The following MARK4 variants were observed in gnomAD, a reference collection of about 807,000 sequenced individuals.
MARK4 encodes MAP/microtubule affinity-regulating kinase 4.
MARK4 carries 19 observed loss-of-function variants against 81.5 expected under a neutral mutation model. The observed-to-expected ratio is 0.23, with a 90% CI of 0.16 to 0.34. MARK4 has a LOEUF of 0.34. Ranked by LOEUF, MARK4 falls within the 10% of genes least tolerant of loss-of-function variation. The pLI is 1.00. For missense variants in MARK4, 772 were observed against 1,058.8 expected (o/e 0.73, Z 3.76); for synonymous variants, 436 against 439.0 (o/e 0.99, Z 0.08).
Position 45,302,870 on chromosome 19 carries a change from C to A in MARK4, c.*160C>A. 3 of 1,177,488 alleles carry A rather than the reference C, an allele frequency of 2.5e-6. No homozygotes were observed. The highest frequency in any genetic ancestry group is 3.5e-6 in the Non-Finnish European group (3 of 861,946). The allele number at this position is 1,177,488 out of a possible 1,614,324, so 72.9% of individuals were successfully genotyped here. A position where few individuals can be genotyped will look rare whatever the true frequency, so the allele number is the denominator to read the frequency against. On this transcript the variant is annotated 3_prime_UTR_variant, in exon 17 of 17. Coordinates refer to ENST00000262891, the MANE Select transcript of MARK4 (RefSeq NM_001199867.2). This position sits in a 1 kb window ranked among gnomAD's most constrained non-coding sequence, Gnocchi z 4.9. ...TTGTCCCCTCTGCTGTTCTCTGGGG[C>A]CGCTCAGCACAGAAGAAGGATGAGG...
In MARK4 at chr19:45,266,104, C is replaced by T. The variant is rs1970450028; in HGVS notation, c.493-121C>T. The T allele has an allele frequency of 6.1e-6, 6 of 981,944 alleles. No homozygotes were observed. The Middle Eastern group carries it at 8.9e-4, about 146-fold the overall frequency. The allele number at this position is 981,944 out of a possible 1,614,324, so 60.8% of individuals were successfully genotyped here. A position where few individuals can be genotyped will look rare whatever the true frequency, so the allele number is the denominator to read the frequency against. Reference sequence around the variant, plus strand: ...TGTGACTGAATCAGGGTGTGAGGCCCCAGATCTCAGGCTGTGCCTTGGGGA... The same window carrying T: ...TGTGACTGAATCAGGGTGTGAGGCCTCAGATCTCAGGCTGTGCCTTGGGGA... On this transcript the variant is annotated intron_variant, in intron 6 of 16. Transcript: ENST00000262891.
rs10630193 is a variant in MARK4, at chr19:45,301,557, CA to C, written c.1923-795del. Among the ~76,000 whole-genome samples, 254 of 49,486 alleles carry C rather than the reference CA, an allele frequency of 5.1e-3. 3 individuals carry two copies. Among genetic ancestry groups the C allele is most frequent in the African/African-American group, 0.012 (134 of 11,460 alleles). 32.5% of individuals were successfully genotyped at this position (49,486 alleles called of 152,430 possible). The stretch of plus-strand genomic sequence containing the variant: ...GGGCGACAAGAGCGAAACTCTGTCT[CA>C]AAAAAAAAAAAAAAAAAAAAAGCCG... On this transcript the variant is annotated intron_variant, in intron 16 of 16. Transcript: ENST00000262891.
At position 45,297,919 on chromosome 19, in the gene MARK4, C is replaced by T. The variant is rs1157407570; in HGVS notation, c.1842C>T (p.Asn614=). 46 of 1,550,510 alleles carry T rather than the reference C, an allele frequency of 3.0e-5. No homozygotes were observed. Among genetic ancestry groups the T allele is most frequent in the Non-Finnish European group, 4.0e-5 (46 of 1,146,760 alleles). The change falls in exon 15 of 17, where the codon AAC becomes AAT. Residue 614 remains asparagine, a synonymous_variant. Coordinates refer to ENST00000262891, the MANE Select transcript of MARK4 (RefSeq NM_001199867.2). ...LPAGRPRPTT[N]LFTKLTSKLT... ...CCGGGCGGCCCCGCCCCACCACCAA[C>T]CTCTTCACCAAGCTGACCTCCAAAC...
rs781613152 is a variant in MARK4 at position 45,259,041 on chromosome 19, G to C, written c.104G>C (p.Ser35Thr). 13 of 1,613,762 alleles carry C rather than the reference G, an allele frequency of 8.1e-6. No homozygotes were observed. The highest frequency in any genetic ancestry group is 1.1e-5 in the Non-Finnish European group (13 of 1,180,026). ...TCGGACAAAGGCCCGTCCTGGTCCA[G>C]CCGCTCACTGGGTGCCCGTTGCCGG... ...RSSDKGPSWS[S>T]RSLGARCRNS... The change falls in exon 2 of 17, where the codon AGC (serine) becomes ACC (threonine). Residue 35 changes from serine (S) to threonine (T), a missense_variant. By Grantham distance (58) the Ser-to-Thr change is moderately conservative. Coordinates refer to ENST00000262891, the MANE Select transcript of MARK4 (RefSeq NM_001199867.2).
rs1376951062 is a variant in MARK4, at chr19:45,271,461, T to C, written c.550-11T>C. 6.2e-7 allele frequency: 1 copy of C among 1,613,238 alleles called. No individual in the cohort carries two copies. Among genetic ancestry groups the C allele is most frequent in the Non-Finnish European group, 8.5e-7 (1 of 1,179,358 alleles). Reference sequence around the variant, plus strand: ...AGTCCCACTTTCCGCCCTCTCCTTCTCTCCCTGCAGGCTGAGAACCTCTTG... The same window carrying C: ...AGTCCCACTTTCCGCCCTCTCCTTCCCTCCCTGCAGGCTGAGAACCTCTTG... On this transcript the variant is annotated splice_polypyrimidine_tract_variant and intron_variant, in intron 7 of 16. Coordinates refer to ENST00000262891, the MANE Select transcript of MARK4 (RefSeq NM_001199867.2). This position sits in a 1 kb window ranked among gnomAD's most constrained non-coding sequence, Gnocchi z 4.1.
rs2079763 is a variant in MARK4 at position 45,287,945 on chromosome 19, A to G, written c.1494+281A>G. On this transcript the variant is annotated intron_variant, in intron 13 of 16. Coordinates refer to ENST00000262891, the MANE Select transcript of MARK4 (RefSeq NM_001199867.2). ...AATACAGGAAATTAAGTGCTTTTAAAAATGTGGGAAAGGCCAGGCACAGTG... is the reference window on the plus strand; with the variant it reads ...AATACAGGAAATTAAGTGCTTTTAAGAATGTGGGAAAGGCCAGGCACAGTG... 934 of 477,264 alleles carry G rather than the reference A, an allele frequency of 2.0e-3. 9 individuals carry two copies. The highest frequency in any genetic ancestry group is 0.015 in the African/African-American group (783 of 51,056). The allele number at this position is 477,264 out of a possible 1,614,324, so 29.6% of individuals were successfully genotyped here.
Position 45,302,506 on chromosome 19 carries a change from C to A in MARK4, c.2055C>A (p.Arg685=). ...AALRQATAAA[R]CRCRQPQPFL... Reference sequence around the variant, plus strand: ...TGCGCCAGGCCACAGCAGCCGCCCGCTGCCGCTGCCGCCAGCCACAGCCGT... The same window carrying A: ...TGCGCCAGGCCACAGCAGCCGCCCGATGCCGCTGCCGCCAGCCACAGCCGT... Residue 685 remains arginine, a synonymous_variant, in exon 17 of 17, where the codon CGC becomes CGA. Transcript: ENST00000262891. The surrounding 1 kb of genome is among the most constrained non-coding windows in gnomAD (Gnocchi z 4.9). The A allele has an allele frequency of 6.2e-7, 1 of 1,602,046 alleles. No homozygotes were observed. The highest frequency in any genetic ancestry group is 1.1e-5 in the South Asian group (1 of 90,982).
intron 8 of MARK4, among the ~76,000 whole-genome samples, chr19:45,274,095 A>C (rs1280722900): frequency 1.3e-5 from 2 of 151,420 alleles, no homozygotes; most frequent in Non-Finnish European, 2.9e-5. Flanking sequence ...TAAAAATACA[A>C]AAAATTAGCC....
chr19:45,287,637 G>A lies in MARK4; in HGVS notation c.1467G>A (p.Glu489=), dbSNP rs369776865. 3.8e-6 allele frequency: 6 copies of A among 1,597,748 alleles called. No individual in the cohort carries two copies. The African/African-American group carries it at 6.7e-5, about 18-fold the overall frequency. ...AHNPNKAEIP[E]RRKDSTSTPN... ...ACCCCAACAAGGCAGAGATCCCAGA[G>A]CGGCGGAAGGACAGCACGAGCACCC... Residue 489 remains glutamate, a synonymous_variant, in exon 13 of 17, where the codon GAG becomes GAA. Coordinates refer to ENST00000262891, the MANE Select transcript of MARK4 (RefSeq NM_001199867.2).
intron 13 of MARK4, chr19:45,287,960 C>T (rs1970768623): frequency 4.5e-6 from 2 of 447,788 alleles, no homozygotes; most frequent in South Asian, 4.8e-5. Context: ...TGGGAAAGGC[C>T]AGGCACAGTG....
chr19:45,295,168 T>A (rs989704810), intron 14 of MARK4, among the ~76,000 whole-genome samples: 1 of 149,676 alleles, frequency 6.7e-6, no homozygotes, highest in African/African-American at 2.5e-5. Context: ...GCTAACATGG[T>A]GACACCCCGT....
At chr19:45,295,496 CG>C (rs1272449557) in intron 14 of MARK4, among the ~76,000 whole-genome samples, 1 of 152,052 alleles carries the variant, frequency 6.6e-6, no homozygotes, top group East Asian at 1.9e-4. Context: ...TGATGCTGGC[CG>C]GGCATGGTGG....
chr19:45,291,995 A>C (rs117934379), intron 13 of MARK4, among the ~76,000 whole-genome samples: 2 of 152,304 alleles, frequency 1.3e-5, no homozygotes, highest in East Asian at 3.9e-4. Context: ...CCACCTTCCA[A>C]ATCTTCATGA....
intron 13 of MARK4, chr19:45,288,071 C>G (rs896260124): frequency 8.9e-6 from 2 of 224,426 alleles, no homozygotes; most frequent in Non-Finnish European, 1.8e-5. Context: ...AACTAAAAAT[C>G]AAAAAAATTA....
chr19:45,263,067 G>T (rs757574888), intron 2 of MARK4, 46 bp from the exon 3 acceptor site: 3 of 1,573,424 alleles, frequency 1.9e-6, no homozygotes, highest in South Asian at 1.2e-5. Context: ...TATCCAGTGG[G>T]GCTTGTGGCA....
chr19:45,263,603 A>G (rs1280913270), intron 4 of MARK4, among the ~76,000 whole-genome samples: 5 of 152,026 alleles, frequency 3.3e-5, no homozygotes, highest in Non-Finnish European at 7.4e-5. Flanking sequence ...TTAGCAGGGC[A>G]TGGTGGCGGG....
In MARK4 at chr19:45,280,658, C is replaced by T; in HGVS notation, c.1200C>T (p.Ser400=). Residue 400 remains serine, a synonymous_variant, in exon 12 of 17, where the codon AGC becomes AGT. Transcript: ENST00000262891. The part of the protein sequence containing the change: ...PSDTTNGTSS[S]KGTSHSKGQR... ...ACACCACCAACGGAACAAGTTCCAG[C>T]AAAGGCACCAGCCACAGCAAAGGGC... 6.2e-7 allele frequency: 1 copy of T among 1,614,184 alleles called. No individual in the cohort carries two copies.
At position 45,302,259 on chromosome 19, in the gene MARK4, G is replaced by A. The variant is rs1373486709; in HGVS notation, c.1923-115G>A. 4 of 1,560,024 alleles carry A rather than the reference G, an allele frequency of 2.6e-6. No individual in the cohort carries two copies. The highest frequency in any genetic ancestry group is 1.4e-5 in the African/African-American group (1 of 73,800). On this transcript the variant is annotated intron_variant, in intron 16 of 16. Coordinates refer to ENST00000262891, the MANE Select transcript of MARK4 (RefSeq NM_001199867.2). The surrounding 1 kb of genome is among the most constrained non-coding windows in gnomAD (Gnocchi z 4.9). ...TGTCGCTGGGGTAACAGGGGAAGATGTTTTTTGAGGGGATGGCTAGGAATG... is the reference window on the plus strand; with the variant it reads ...TGTCGCTGGGGTAACAGGGGAAGATATTTTTTGAGGGGATGGCTAGGAATG...
intron 7 of MARK4, among the ~76,000 whole-genome samples, chr19:45,268,966 C>G (rs1425045707): frequency 1.3e-5 from 2 of 152,116 alleles, no homozygotes; most frequent in Non-Finnish European, 2.9e-5. Flanking sequence ...GTGGAGGGTC[C>G]CCAAAGCAGC....
Sources: allele counts gnomAD v4.1 joint callset (sites outside exome capture counted in the v4.1 genomes callset), GRCh38; gene constraint gnomAD v4.1.1; non-coding constraint Gnocchi (gnomAD v3.1); transcripts MANE v1.5; gene names NCBI Gene and HGNC (gene_info 2026-07-23, HGNC 2026-07-21).